Variants in PTK7 observed in about 807,000 individuals in gnomAD.
PTK7 encodes the protein protein tyrosine kinase 7 (inactive).
In PTK7, 39 loss-of-function variants were observed where a neutral mutation model predicts 116.6. That is an observed-to-expected ratio of 0.33 (90% CI 0.26 to 0.44). The LOEUF (loss-of-function observed/expected upper bound fraction) is 0.44. Ranked by LOEUF, PTK7 falls within the 20% of genes least tolerant of loss-of-function variation. The probability of loss-of-function intolerance (pLI) is 1.00; values close to 1 mark genes in which losing one functional copy is unlikely to be tolerated. For synonymous variants in PTK7, 546 were observed against 563.6 expected (o/e 0.97, Z 0.44); for missense variants, 1,169 against 1,425.6 (o/e 0.82, Z 2.90).
At chr6:43,158,702 TG>T in intron 17 of PTK7, 114 bp from the exon 18 acceptor site, 2 of 1,130,880 alleles carry the variant, frequency 1.8e-6, no homozygotes, top group Non-Finnish European at 2.5e-6. Flanking sequence ...GTTGTGCTTC[TG>T]GGCTTCCTAC....
chr6:43,138,699 G>T, intron 7 of PTK7, 150 bp from the exon 8 acceptor site: 1 of 1,108,840 alleles, frequency 9.0e-7, no homozygotes, highest in Non-Finnish European at 1.3e-6. Context: ...CTGGCACCTG[G>T]GTCTTCCGTA....
At chr6:43,137,224 A>C (rs546783580) in intron 7 of PTK7, among the ~76,000 whole-genome samples, 1 of 152,336 alleles carries the variant, frequency 6.6e-6, no homozygotes, top group African/African-American at 2.4e-5. Flanking sequence ...CCAAGAGTAT[A>C]AACAAGGAGA....
intron 17 of PTK7, among the ~76,000 whole-genome samples, chr6:43,157,115 G>A (rs886949934): frequency 8.0e-5 from 12 of 149,618 alleles, no homozygotes; most frequent in African/African-American, 2.7e-4. Context: ...TTGAGGGGAG[G>A]GAGAACATAT....
chr6:43,118,669 A>ACG (rs1768741455), intron 1 of PTK7, among the ~76,000 whole-genome samples: 1 of 103,024 alleles, frequency 9.7e-6, no homozygotes, highest in African/African-American at 4.1e-5. Context: ...CTATATATAT[A>ACG]TATATATATA....
intron 1 of PTK7, among the ~76,000 whole-genome samples, chr6:43,119,155 G>A (rs60627965): frequency 0.013 from 1,904 of 152,072 alleles, 44 homozygotes; most frequent in African/African-American, 0.042. Flanking sequence ...GCAGGGTTGG[G>A]TGCAGGCAGG....
intron 1 of PTK7, among the ~76,000 whole-genome samples, chr6:43,110,895 G>A (rs918830388): frequency 6.6e-6 from 1 of 152,176 alleles, no homozygotes; most frequent in Admixed American, 6.5e-5. Context: ...GCCTCTGTTG[G>A]CGGGGCCTCC....
rs749876630 is a variant in PTK7, at chr6:43,158,964, A to G, written c.2869A>G (p.Asn957Asp). The change falls in exon 18 of 20, where the codon AAC becomes GAC. Residue 957 changes from asparagine (N) to aspartate (D), a missense_variant. Physicochemically the swap from Asn to Asp is conservative, Grantham distance 23. Coordinates refer to ENST00000230419, the MANE Select transcript of PTK7 (RefSeq NM_002821.5). The stretch of plus-strand genomic sequence containing the variant: ...CCTGGGCCTCAGCAAGGATGTGTAC[A>G]ACAGGTAGAAGGGCATGCGTGGGGT... ...SALGLSKDVYNSEYYHFRQAW... is the reference protein window; with the variant it reads ...SALGLSKDVYDSEYYHFRQAW... 3 of 1,614,060 alleles carry G rather than the reference A, an allele frequency of 1.9e-6. No individual in the cohort carries two copies. The South Asian group carries it at 3.3e-5, about 18-fold the overall frequency.
At chr6:43,100,960 C>T (rs1181726660) in intron 1 of PTK7, among the ~76,000 whole-genome samples, 2 of 152,194 alleles carry the variant, frequency 1.3e-5, no homozygotes, top group African/African-American at 2.4e-5. Context: ...TCACTGGGTG[C>T]GGTGGCTCAC....
At chr6:43,125,855 C>A (rs917243088) in intron 1 of PTK7, among the ~76,000 whole-genome samples, 1 of 152,148 alleles carries the variant, frequency 6.6e-6, no homozygotes, top group Non-Finnish European at 1.5e-5. Context: ...AGGATCTGAG[C>A]CCAGCCTGTC....
chr6:43,159,557 A>G, intron 18 of PTK7: 2 of 579,950 alleles, frequency 3.4e-6, no homozygotes, highest in South Asian at 2.0e-5. Context: ...CATTTAGGCA[A>G]AGTTTGATTC....
chr6:43,088,466 G>T (rs765144173), intron 1 of PTK7, among the ~76,000 whole-genome samples: 1 of 152,006 alleles, frequency 6.6e-6, no homozygotes, highest in South Asian at 2.1e-4. Context: ...AGGCCGAGGC[G>T]GGTGGATCAT....
chr6:43,094,317 C>T (rs1767119006), intron 1 of PTK7, among the ~76,000 whole-genome samples: 1 of 152,138 alleles, frequency 6.6e-6, no homozygotes, highest in African/African-American at 2.4e-5. Context: ...AGTTTTCCCC[C>T]TTCAGTCACG....
At chr6:43,128,647 T>G (rs1769443908) in intron 1 of PTK7, among the ~76,000 whole-genome samples, 1 of 152,086 alleles carries the variant, frequency 6.6e-6, no homozygotes, top group South Asian at 2.1e-4. Flanking sequence ...TAGCTGGGTG[T>G]GGTGGCTCAT....
rs1771855778 is a variant in PTK7 at position 43,161,704 on chromosome 6, C to G, written c.*823C>G. On this transcript the variant is annotated 3_prime_UTR_variant, in exon 20 of 20. Transcript: ENST00000230419. ...ACACTCGCTGCTCTCAATAAATAAG[C>G]CTTTTTTACAACCTGTTTCTGAGAT... The G allele has an allele frequency of 1.3e-5, 2 of 152,116 alleles. No homozygotes were observed. Among genetic ancestry groups the G allele is most frequent in the Non-Finnish European group, 2.9e-5 (2 of 68,042 alleles). The allele number at this position is 152,116 out of a possible 1,614,324, so 9.4% of individuals were successfully genotyped here. A position where few individuals can be genotyped will look rare whatever the true frequency, so the allele number is the denominator to read the frequency against.
At chr6:43,142,445 A>G (rs1295750525) in intron 13 of PTK7, 146 bp downstream of exon 13, 4 of 1,249,724 alleles carry the variant, frequency 3.2e-6, no homozygotes, top group Non-Finnish European at 4.5e-6. Context: ...ATGCTGCTGC[A>G]CAGTCTTAGA....
rs1451661784 is a variant in PTK7 at position 43,077,644 on chromosome 6, G to A, written c.79+1077G>A. On this transcript the variant is annotated intron_variant, in intron 1 of 19. Coordinates refer to ENST00000230419, the MANE Select transcript of PTK7 (RefSeq NM_002821.5). Reference sequence around the variant, plus strand: ...CCCCGACCCTCCACAACACTCCTTGGTGGTCCTCGAAGCAGCTTTCTCTTG... The same window carrying A: ...CCCCGACCCTCCACAACACTCCTTGATGGTCCTCGAAGCAGCTTTCTCTTG... 4.6e-5 allele frequency among the ~76,000 whole-genome samples: 7 copies of A among 152,182 alleles called. No individual in the cohort carries two copies. The East Asian group carries it at 1.4e-3, about 29-fold the overall frequency.
chr6:43,106,151 C>G (rs753164245), intron 1 of PTK7, among the ~76,000 whole-genome samples: 3 of 151,894 alleles, frequency 2.0e-5, no homozygotes, highest in Non-Finnish European at 4.4e-5. Context: ...CCTTTGCCTC[C>G]TTGCCCCAAA....
chr6:43,135,391 G>C (rs1410402512), intron 7 of PTK7, among the ~76,000 whole-genome samples: 1 of 152,214 alleles, frequency 6.6e-6, no homozygotes, highest in African/African-American at 2.4e-5. Flanking sequence ...CCCTCTCCTT[G>C]TGGAGTTCAT....
At chr6:43,134,941 C>G (rs1769938647) in intron 7 of PTK7, among the ~76,000 whole-genome samples, 1 of 152,008 alleles carries the variant, frequency 6.6e-6, no homozygotes, top group Non-Finnish European at 1.5e-5. Flanking sequence ...CAGCAAGACC[C>G]TGTCTCCAAA....
Sources: gnomAD v4.1 joint callset for allele counts (sites outside exome capture counted in the v4.1 genomes callset) on GRCh38, gnomAD v4.1.1 for gene constraint, MANE v1.5 for transcripts, NCBI Gene and HGNC (gene_info 2026-07-23, HGNC 2026-07-21) for gene names.